NUFIP2: variants seen among roughly 807,000 people sequenced by gnomAD.
NUFIP2 encodes FMR1-interacting protein NUFIP2.
Under a neutral mutation model 56.9 loss-of-function variants are expected in NUFIP2, and 6 were observed. That is an observed-to-expected ratio of 0.11 (90% CI 0.06 to 0.21). The LOEUF (loss-of-function observed/expected upper bound fraction) is 0.21, where lower values mean the gene tolerates loss of function less well. Among genes scored for constraint, NUFIP2 ranks in the 10% least tolerant of loss-of-function variants. The pLI is 1.00. For missense variants in NUFIP2, 828 were observed against 826.8 expected (o/e 1.00, Z -0.02); for synonymous variants, 321 against 298.2 (o/e 1.08, Z -0.79).
intron 2 of NUFIP2, among the ~76,000 whole-genome samples, chr17:29,269,814 G>A (rs1195861399): frequency 2.0e-5 from 3 of 151,920 alleles, no homozygotes; most frequent in Admixed American, 6.6e-5. Flanking sequence ...TCCGCCTCCC[G>A]GGTTCACGCC....
intron 2 of NUFIP2, among the ~76,000 whole-genome samples, chr17:29,279,688 A>T (rs1017412182): frequency 1.3e-5 from 2 of 151,924 alleles, no homozygotes; most frequent in Non-Finnish European, 2.9e-5. Context: ...AATGCTTCAA[A>T]TTTTTTTGTA....
chr17:29,290,724 T>C (rs930799410), intron 1 of NUFIP2, among the ~76,000 whole-genome samples: 6 of 151,792 alleles, frequency 4.0e-5, no homozygotes, highest in Non-Finnish European at 7.4e-5. Flanking sequence ...GCTCTTCTCA[T>C]CATTTTTAAC....
rs1194163307 is a variant in NUFIP2 at position 29,291,049 on chromosome 17, AAAAAG to A, written c.277+2729_277+2733del. On this transcript the variant is annotated intron_variant, in intron 1 of 3. Transcript: ENST00000225388. Reference sequence around the variant, plus strand: ...AGTTTTAATAACAAAAAAAAAAAAAAAAAAGAAAAGAAAATCTTGTTTAACTACAT... The same window carrying A: ...AGTTTTAATAACAAAAAAAAAAAAAAAAAAGAAAATCTTGTTTAACTACAT... Among the ~76,000 whole-genome samples the A allele has an allele frequency of 5.6e-3, 845 of 151,838 alleles. 6 individuals carry two copies. The highest frequency in any genetic ancestry group is 0.019 in the African/African-American group (785 of 41,394).
At chr17:29,290,614 A>G (rs1001129308) in intron 1 of NUFIP2, among the ~76,000 whole-genome samples, 2 of 151,496 alleles carry the variant, frequency 1.3e-5, no homozygotes, top group African/African-American at 2.4e-5. Context: ...ATGCCACTGC[A>G]CTGCACTCCA....
rs1408731638 is a variant in NUFIP2 at position 29,287,795 on chromosome 17, T to C, written c.278-79A>G. 6 of 1,304,560 alleles carry C rather than the reference T, an allele frequency of 4.6e-6. No individual in the cohort carries two copies. The East Asian group carries it at 1.5e-4, about 32-fold the overall frequency. 80.8% of individuals were successfully genotyped at this position (1,304,560 alleles called of 1,614,324 possible). On this transcript the variant is annotated intron_variant, in intron 1 of 3. Transcript: ENST00000225388. ...ACTAATACCTAACATTTAAGAACTA[T>C]TTACTGTATGCTAGACACTATGCTA...
intron 1 of NUFIP2, among the ~76,000 whole-genome samples, chr17:29,289,113 T>TCTA (rs2069195365): frequency 6.6e-6 from 1 of 152,126 alleles, no homozygotes; most frequent in Non-Finnish European, 1.5e-5. Flanking sequence ...ACAACTGCCT[T>TCTA]CTAGCTTGAG....
rs548455772 is a variant in NUFIP2, at chr17:29,263,203, A to G, written c.*1336T>C. On this transcript the variant is annotated 3_prime_UTR_variant, in exon 4 of 4. Transcript: ENST00000225388. ...AATTGGACCCTTAATTTCTGCACAC[A>G]CACACAAAAATTTATTTTAGCATGC... 4 of 152,732 alleles carry G rather than the reference A, an allele frequency of 2.6e-5. No individual in the cohort carries two copies. The South Asian group carries it at 8.3e-4, about 32-fold the overall frequency. The allele number at this position is 152,732 out of a possible 1,614,324, so 9.5% of individuals were successfully genotyped here.
Position 29,260,923 on chromosome 17 carries a change from C to T in NUFIP2, c.*3616G>A, listed in dbSNP as rs1273820337. Reference sequence around the variant, plus strand: ...AATTCCTAGTTATTGGCTATCCCCTCCTAGAAAGTAGAGGAGGAAGGGCTG... The same window carrying T: ...AATTCCTAGTTATTGGCTATCCCCTTCTAGAAAGTAGAGGAGGAAGGGCTG... On this transcript the variant is annotated 3_prime_UTR_variant, in exon 4 of 4. Coordinates refer to ENST00000225388, the MANE Select transcript of NUFIP2 (RefSeq NM_020772.3). 6.6e-6 allele frequency: 1 copy of T among 152,080 alleles called. No homozygotes were observed. The highest frequency in any genetic ancestry group is 2.4e-5 in the African/African-American group (1 of 41,418). The allele number at this position is 152,080 out of a possible 1,614,324, so 9.4% of individuals were successfully genotyped here.
intron 3 of NUFIP2, among the ~76,000 whole-genome samples, chr17:29,267,293 A>G (rs910173885): frequency 6.6e-6 from 1 of 151,578 alleles, no homozygotes; most frequent in Non-Finnish European, 1.5e-5. Context: ...GACTTCAGCA[A>G]TCCTCCCGCC....
intron 2 of NUFIP2, among the ~76,000 whole-genome samples, chr17:29,282,386 T>C (rs2069145619): frequency 6.6e-6 from 1 of 151,576 alleles, no homozygotes; most frequent in Admixed American, 6.6e-5. Flanking sequence ...CTGTCTCTAC[T>C]AAAAATACAA....
chr17:29,290,407 G>A (rs1423269454), intron 1 of NUFIP2, among the ~76,000 whole-genome samples: 1 of 151,708 alleles, frequency 6.6e-6, no homozygotes, highest in Non-Finnish European at 1.5e-5. Context: ...TGTAATCCCA[G>A]CACTTTAGGA....
rs2068998930 is a variant in NUFIP2 at position 29,260,950 on chromosome 17, C to T, written c.*3589G>A. On this transcript the variant is annotated 3_prime_UTR_variant, in exon 4 of 4. Transcript: ENST00000225388. ...TAGAAAGTAGAGGAGGAAGGGCTGG[C>T]TACCACAGACGCTGTAAATACACTT... The T allele has an allele frequency of 6.6e-6, 1 of 152,110 alleles. No homozygotes were observed. The allele number at this position is 152,110 out of a possible 1,614,324, so 9.4% of individuals were successfully genotyped here.
Position 29,264,264 on chromosome 17 carries a change from G to A in NUFIP2, c.*275C>T, listed in dbSNP as rs1271225335. On this transcript the variant is annotated 3_prime_UTR_variant, in exon 4 of 4. Coordinates refer to ENST00000225388, the MANE Select transcript of NUFIP2 (RefSeq NM_020772.3). ...TCACACTTAAAAACAAAAACTAACAGAAGAAAAAAAACCTATTCAGTACCG... is the reference window on the plus strand; with the variant it reads ...TCACACTTAAAAACAAAAACTAACAAAAGAAAAAAAACCTATTCAGTACCG... 1 of 158,422 alleles carries A rather than the reference G, an allele frequency of 6.3e-6. No homozygotes were observed. The highest frequency in any genetic ancestry group is 1.4e-5 in the Non-Finnish European group (1 of 72,700). 9.8% of individuals were successfully genotyped at this position (158,422 alleles called of 1,614,324 possible). A position where few individuals can be genotyped will look rare whatever the true frequency, so the allele number is the denominator to read the frequency against.
chr17:29,266,998 G>C (rs1048647144), intron 3 of NUFIP2, among the ~76,000 whole-genome samples: 1 of 151,512 alleles, frequency 6.6e-6, no homozygotes, highest in South Asian at 2.1e-4. Context: ...CTGCCTCCTG[G>C]GTTCAAGCTA....
intron 1 of NUFIP2, among the ~76,000 whole-genome samples, chr17:29,289,862 A>C (rs1043082325): frequency 6.6e-6 from 1 of 152,208 alleles, no homozygotes; most frequent in African/African-American, 2.4e-5. Context: ...CTCAAGGCAT[A>C]ATCATTCCTA....
chr17:29,289,421 C>T (rs908595367), intron 1 of NUFIP2, among the ~76,000 whole-genome samples: 1 of 151,928 alleles, frequency 6.6e-6, no homozygotes, highest in Non-Finnish European at 1.5e-5. Flanking sequence ...GGTGAAACCC[C>T]GTCTCTACTA....
intron 2 of NUFIP2, among the ~76,000 whole-genome samples, chr17:29,274,294 ACCCT>A (rs1275421214): frequency 9.9e-5 from 15 of 152,158 alleles, no homozygotes; most frequent in African/African-American, 3.4e-4. Context: ...AGATGGTGAG[ACCCT>A]ATGTCTACAA....
intron 2 of NUFIP2, among the ~76,000 whole-genome samples, chr17:29,272,104 G>A (rs923732337): frequency 1.4e-5 from 2 of 142,116 alleles, no homozygotes; most frequent in Admixed American, 7.0e-5. Flanking sequence ...GGGAGGGGAG[G>A]GGAGAAGAGA....
At position 29,260,671 on chromosome 17, in the gene NUFIP2, T is replaced by C. The variant is rs2068997322; in HGVS notation, c.*3868A>G. On this transcript the variant is annotated 3_prime_UTR_variant, in exon 4 of 4. Transcript: ENST00000225388. ...TAACAACCAAGTATGATATTATCACTATGTAATGTTTTTTCAAAATTTTGT... is the reference window on the plus strand; with the variant it reads ...TAACAACCAAGTATGATATTATCACCATGTAATGTTTTTTCAAAATTTTGT... The C allele has an allele frequency of 2.6e-5, 4 of 152,180 alleles. No homozygotes were observed. Among genetic ancestry groups the C allele is most frequent in the Admixed American group, 2.0e-4 (3 of 15,272 alleles). 9.4% of individuals were successfully genotyped at this position (152,180 alleles called of 1,614,324 possible).
Sources: allele counts gnomAD v4.1 joint callset (sites outside exome capture counted in the v4.1 genomes callset), GRCh38; gene constraint gnomAD v4.1.1; transcripts MANE v1.5; gene names NCBI Gene and HGNC (gene_info 2026-07-23, HGNC 2026-07-21).